The following STC2 variants were observed in gnomAD, a reference collection of about 807,000 sequenced individuals.
The protein encoded by STC2 is stanniocalcin 2.
Under a neutral mutation model 22.7 loss-of-function variants are expected in STC2, and 7 were observed. That is an observed-to-expected ratio of 0.31 (90% CI 0.18 to 0.58). The LOEUF (loss-of-function observed/expected upper bound fraction) is 0.58, where lower values mean the gene tolerates loss of function less well. Among genes scored for constraint, STC2 ranks in the 20% least tolerant of loss-of-function variants. The probability of loss-of-function intolerance (pLI) is 0.89; values close to 1 mark genes in which losing one functional copy is unlikely to be tolerated. For missense variants in STC2, 336 were observed against 406.2 expected, an observed-to-expected ratio of 0.83 and a Z score of 1.48; for synonymous variants, 158 against 163.4, an observed-to-expected ratio of 0.97 and a Z score of 0.25.
In STC2 at chr5:173,317,102, A is replaced by G. The variant is rs1440501529; in HGVS notation, c.*745T>C. 6.6e-6 allele frequency: 1 copy of G among 152,348 alleles called. No homozygotes were observed. Among genetic ancestry groups the G allele is most frequent in the Non-Finnish European group, 1.5e-5 (1 of 68,006 alleles). 9.4% of individuals were successfully genotyped at this position (152,348 alleles called of 1,614,324 possible). On this transcript the variant is annotated 3_prime_UTR_variant, in exon 4 of 4. Coordinates refer to ENST00000265087, the MANE Select transcript of STC2 (RefSeq NM_003714.3). ...CCATTTATTTAGATGACAGATATGT[A>G]GATATAACTGGATAAATAAAAAAAG... is the stretch of plus-strand genomic sequence containing the variant.
In STC2 at chr5:173,325,904, C is replaced by T; in HGVS notation, c.258G>A (p.Met86Ile). 12 of 1,614,190 alleles carry T rather than the reference C, an allele frequency of 7.4e-6. No individual in the cohort carries two copies. The highest frequency in any genetic ancestry group is 1.0e-5 in the Non-Finnish European group (12 of 1,180,042). ...CEIRGLHGIC[M>I]TFLHNAGKFD... Reference sequence around the variant, plus strand: ...ATTTTCCAGCGTTGTGCAGAAAAGTCATGCAAATCCCATGTAAGCCCCGAA... The same window carrying T: ...ATTTTCCAGCGTTGTGCAGAAAAGTTATGCAAATCCCATGTAAGCCCCGAA... Residue 86 changes from methionine (M) to isoleucine (I), a missense_variant, in exon 2 of 4, where the codon ATG (methionine) becomes ATA (isoleucine). This residue lies in a region of STC2 where 99 missense variants were observed against 122.7 expected (regional missense o/e 0.81). Transcript: ENST00000265087. The surrounding 1 kb of genome is among the most constrained non-coding windows in gnomAD (Gnocchi z 4.7).
Position 173,317,623 on chromosome 5 carries a change from A to AGTAC in STC2, c.*220_*223dup. 1 of 446,508 alleles carries AGTAC rather than the reference A, an allele frequency of 2.2e-6. No individual in the cohort carries two copies. The highest frequency in any genetic ancestry group is 3.9e-6 in the Non-Finnish European group (1 of 258,556). The allele number at this position is 446,508 out of a possible 1,614,324, so 27.7% of individuals were successfully genotyped here. Reference sequence around the variant, plus strand: ...AGGATAACGCGGGCGCGCTCCCTTGAGTACGTGTAAGTGCAGAATTCACCA... The same window carrying AGTAC: ...AGGATAACGCGGGCGCGCTCCCTTGAGTACGTACGTGTAAGTGCAGAATTCACCA... On this transcript the variant is annotated 3_prime_UTR_variant, in exon 4 of 4. Transcript: ENST00000265087.
At chr5:173,328,019 G>A (rs1303539210) in intron 1 of STC2, 24 bp downstream of exon 1, 2 of 1,444,228 alleles carry the variant, frequency 1.4e-6, no homozygotes, top group Non-Finnish European at 9.2e-7. Flanking sequence ...AGTAGCTCCC[G>A]GCTGCGGGGG....
intron 3 of STC2, among the ~76,000 whole-genome samples, chr5:173,318,507 CTTAGG>C (rs1762453044): frequency 6.6e-6 from 1 of 152,154 alleles, no homozygotes; most frequent in Admixed American, 6.5e-5. Flanking sequence ...AGGGTAAGAG[CTTAGG>C]ACCCTAAAAG....
chr5:173,318,193 G>T lies in STC2; in HGVS notation c.563C>A (p.Ala188Asp). ...CTGAACCTGCACGCTGTGGGTGATG[G>T]CCTCCTTCACCTCCTCCCCACAGGT... ...LLTCGEEVKE[A>D]ITHSVQVQCE... is the part of the protein sequence containing the mutation. Residue 188 changes from alanine (A) to aspartate (D), a missense_variant, in exon 4 of 4, where the codon GCC becomes GAC. Coordinates refer to ENST00000265087, the MANE Select transcript of STC2 (RefSeq NM_003714.3). 6.4e-7 allele frequency: 1 copy of T among 1,553,540 alleles called. No homozygotes were observed. Among genetic ancestry groups the T allele is most frequent in the African/African-American group, 1.4e-5 (1 of 72,380 alleles).
chr5:173,323,261 A>T lies in STC2; in HGVS notation c.464T>A (p.Val155Glu). 1 of 1,613,950 alleles carries T rather than the reference A, an allele frequency of 6.2e-7. No homozygotes were observed. The highest frequency in any genetic ancestry group is 8.5e-7 in the Non-Finnish European group (1 of 1,180,014). Residue 155 changes from valine to glutamate, a missense_variant, in exon 3 of 4, where the codon GTG (valine) becomes GAG (glutamate). Val to Glu is a moderately radical substitution (Grantham distance 121). Around this residue, in one of 3 missense-constraint regions of STC2, gnomAD observed 215 missense variants for 231.5 expected, o/e 0.93. Coordinates refer to ENST00000265087, the MANE Select transcript of STC2 (RefSeq NM_003714.3). The surrounding 1 kb of genome is among the most constrained non-coding windows in gnomAD (Gnocchi z 5.4). ...LCAAAQENTR[V>E]IVEMIHFKDL... ...CTTGAAATGGATCATCTCCACTATC[A>T]CCCGGGTGTTCTCCTGGGCAGCCGC...
chr5:173,321,568 G>C (rs4867700), intron 3 of STC2, among the ~76,000 whole-genome samples: 67,201 of 152,134 alleles, frequency 0.44, 16,199 homozygotes, highest in Admixed American at 0.56. Flanking sequence ...TCAGGTCTAG[G>C]AGGGAGATAA....
At chr5:173,319,336 A>AG (rs35442772) in intron 3 of STC2, among the ~76,000 whole-genome samples, 20 of 152,220 alleles carry the variant, frequency 1.3e-4, no homozygotes, top group African/African-American at 4.3e-4. Context: ...AAACCCCCCA[A>AG]GGGGGGTATA....
chr5:173,320,197 A>T (rs1326531597), intron 3 of STC2, among the ~76,000 whole-genome samples: 1 of 151,314 alleles, frequency 6.6e-6, no homozygotes, highest in Non-Finnish European at 1.5e-5. Context: ...TCCCCAGAGT[A>T]AGGGGAGGGC....
At chr5:173,320,988 G>T (rs1762477941) in intron 3 of STC2, among the ~76,000 whole-genome samples, 1 of 152,116 alleles carries the variant, frequency 6.6e-6, no homozygotes, top group Admixed American at 6.5e-5. Flanking sequence ...AAAGGTAATG[G>T]GGGTTTTTGG....
At chr5:173,318,777 A>G (rs576893782) in intron 3 of STC2, among the ~76,000 whole-genome samples, 1 of 152,258 alleles carries the variant, frequency 6.6e-6, no homozygotes, top group South Asian at 2.1e-4. Flanking sequence ...CCCCCAAGAA[A>G]CCATTTTCCC....
At chr5:173,324,609 G>A (rs1762524642) in intron 2 of STC2, among the ~76,000 whole-genome samples, 1 of 152,250 alleles carries the variant, frequency 6.6e-6, no homozygotes, top group Non-Finnish European at 1.5e-5. Context: ...ATGGAGGGCA[G>A]GGTGTGCCCG....
rs1561643845 is a variant in STC2 at position 173,323,455 on chromosome 5, GGA to G, written c.295-27_295-26del. The G allele has an allele frequency of 5.1e-5, 80 of 1,579,714 alleles. No individual in the cohort carries two copies. The highest frequency in any genetic ancestry group is 6.8e-5 in the Non-Finnish European group (79 of 1,159,748). On this transcript the variant is annotated intron_variant, in intron 2 of 3. Transcript: ENST00000265087. The surrounding 1 kb of genome is among the most constrained non-coding windows in gnomAD (Gnocchi z 5.4). ...CCTGAGAACACACAGGCCGGGGAAG[GGA>G]GAGAGGGGCAGAAAGCAGAAGACCT...
At chr5:173,322,497 T>C (rs529585226) in intron 3 of STC2, among the ~76,000 whole-genome samples, 2 of 152,370 alleles carry the variant, frequency 1.3e-5, no homozygotes, top group Admixed American at 6.5e-5. Context: ...TAGAAGTGTT[T>C]AGCTGATTAA....
At chr5:173,318,423 C>G (rs1369211043) in intron 3 of STC2, among the ~76,000 whole-genome samples, 174 bp from the exon 4 acceptor site, 2 of 152,162 alleles carry the variant, frequency 1.3e-5, no homozygotes, top group Non-Finnish European at 2.9e-5. Context: ...CAAGCCTTTT[C>G]TCATAGTCTA....
Position 173,317,035 on chromosome 5 carries a change from C to G in STC2, c.*812G>C, listed in dbSNP as rs1402527648. The G allele has an allele frequency of 6.6e-6, 1 of 151,684 alleles. No homozygotes were observed. The highest frequency in any genetic ancestry group is 1.5e-5 in the Non-Finnish European group (1 of 67,894). 9.4% of individuals were successfully genotyped at this position (151,684 alleles called of 1,614,324 possible). A position where few individuals can be genotyped will look rare whatever the true frequency, so the allele number is the denominator to read the frequency against. ...GGGCTGGTTTTTTTTTTTTAAACCC[C>G]CTTTGAGCTGGTTTTAATGACCCAG... On this transcript the variant is annotated 3_prime_UTR_variant, in exon 4 of 4. Transcript: ENST00000265087.
At position 173,328,144 on chromosome 5, in the gene STC2, G is replaced by A. The variant is rs201354731; in HGVS notation, c.50C>T (p.Ala17Val). 2.6e-4 allele frequency: 416 copies of A among 1,598,616 alleles called. 3 individuals are homozygous for A. The East Asian group carries it at 9.0e-3, about 35-fold the overall frequency. ...GQFMTLALVL[A>V]TFDPARGTDA... ...GGTCCCCCGCGCCGGGTCAAAGGTG[G>A]CCAACACCAAAGCCAGGGTCATGAA... The change falls in exon 1 of 4, where the codon GCC becomes GTC. Residue 17 changes from alanine (A) to valine (V), a missense_variant. Around this residue, in one of 3 missense-constraint regions of STC2, gnomAD observed 99 missense variants for 122.7 expected, o/e 0.81. Coordinates refer to ENST00000265087, the MANE Select transcript of STC2 (RefSeq NM_003714.3).
rs141397450 is a variant in STC2 at position 173,323,727 on chromosome 5, C to T, written c.295-297G>A. Among the ~76,000 whole-genome samples the T allele has an allele frequency of 2.0e-3, 300 of 152,284 alleles. 1 individual carries two copies. Among genetic ancestry groups the T allele is most frequent in the African/African-American group, 6.9e-3 (287 of 41,562 alleles). On this transcript the variant is annotated intron_variant, in intron 2 of 3. Transcript: ENST00000265087. This position sits in a 1 kb window ranked among gnomAD's most constrained non-coding sequence, Gnocchi z 5.4. ...TGAGTTTCCCTCCAACGGGGGCTTC[C>T]GTGGCTATGTGTCCCTCAGGTAGCC...
At chr5:173,318,561 C>T (rs1184295187) in intron 3 of STC2, among the ~76,000 whole-genome samples, 1 of 152,076 alleles carries the variant, frequency 6.6e-6, no homozygotes, top group Non-Finnish European at 1.5e-5. Flanking sequence ...CAGGTGGCTG[C>T]GTGAATAATG....
Sources: allele counts gnomAD v4.1 joint callset (sites outside exome capture counted in the v4.1 genomes callset), GRCh38; gene constraint gnomAD v4.1.1; regional missense constraint gnomAD v4.1.1; non-coding constraint Gnocchi (gnomAD v3.1); transcripts MANE v1.5; gene names NCBI Gene and HGNC (gene_info 2026-07-23, HGNC 2026-07-21).